Variants in RBFOX1 observed in about 807,000 individuals in gnomAD.
RBFOX1 encodes RNA binding fox-1 homolog 1.
Under a neutral mutation model 57.7 loss-of-function variants are expected in RBFOX1, and 8 were observed. The observed-to-expected ratio is 0.14, with a 90% confidence interval of 0.08 to 0.25. The LOEUF is 0.25. Ranked by LOEUF, RBFOX1 falls within the 10% of genes least tolerant of loss-of-function variation. RBFOX1 has a pLI of 1.00. For missense variants in RBFOX1, 611 were observed against 548.5 expected (o/e 1.11, Z -1.14); for synonymous variants, 326 against 222.4 (o/e 1.47, Z -4.15).
intron 1 of RBFOX1, among the ~76,000 whole-genome samples, chr16:5,428,832 G>T (rs2067642697): frequency 6.6e-6 from 1 of 152,156 alleles, no homozygotes; most frequent in Admixed American, 6.5e-5. Flanking sequence ...CTGAGTTGGG[G>T]ACCAAGTGCT....
chr16:7,198,028 C>T (rs139651302), intron 4 of RBFOX1, among the ~76,000 whole-genome samples: 3,333 of 34,870 alleles, frequency 0.096, 89 homozygotes, highest in Middle Eastern at 0.2. Context: ...TTTTTTGAGA[C>T]GGAGTCTTGC....
intron 2 of RBFOX1, among the ~76,000 whole-genome samples, chr16:6,385,719 C>G (rs1248431526): frequency 6.6e-6 from 1 of 152,190 alleles, no homozygotes; most frequent in African/African-American, 2.4e-5. Flanking sequence ...AGGTAATGAA[C>G]AGAAAGTGAT....
At chr16:6,796,252 C>T (rs917628558) in intron 3 of RBFOX1, among the ~76,000 whole-genome samples, 20 of 152,116 alleles carry the variant, frequency 1.3e-4, no homozygotes, top group South Asian at 2.1e-4. Context: ...GAAGGAAAGA[C>T]CCACCCCCGT....
chr16:6,394,168 C>G (rs1596528106), intron 2 of RBFOX1, among the ~76,000 whole-genome samples: 1 of 152,156 alleles, frequency 6.6e-6, no homozygotes, highest in Non-Finnish European at 1.5e-5. Flanking sequence ...ATATGGGATC[C>G]TGAGTTCAAA....
chr16:5,674,831 G>C (rs1044902062), intron 3 of RBFOX1, among the ~76,000 whole-genome samples: 2 of 152,108 alleles, frequency 1.3e-5, no homozygotes, highest in East Asian at 1.9e-4. Context: ...TCTGGCGCAC[G>C]TAGTACGTTA....
chr16:6,485,317 C>T (rs568754263), intron 2 of RBFOX1, among the ~76,000 whole-genome samples: 26 of 152,168 alleles, frequency 1.7e-4, no homozygotes, highest in African/African-American at 4.3e-4. Flanking sequence ...GGTAGGGGGA[C>T]ATGTAGAAGG....
intron 5 of RBFOX1, among the ~76,000 whole-genome samples, chr16:7,527,407 T>A (rs2078945096): frequency 6.6e-6 from 1 of 152,152 alleles, no homozygotes; most frequent in South Asian, 2.1e-4. Flanking sequence ...CAACTTAGGA[T>A]AACTTGGCCA....
chr16:6,631,408 A>ATT (rs534274929), intron 2 of RBFOX1, among the ~76,000 whole-genome samples: 1 of 147,824 alleles, frequency 6.8e-6, no homozygotes, highest in East Asian at 2.0e-4. Flanking sequence ...TATGAAACAT[A>ATT]TTTTTTTTTT....
intron 2 of RBFOX1, among the ~76,000 whole-genome samples, chr16:6,466,271 C>T (rs559973345): frequency 9.9e-5 from 15 of 151,248 alleles, no homozygotes; most frequent in Non-Finnish European, 1.0e-4. Context: ...AAATTGAAAT[C>T]ATCCATGGTT....
chr16:7,657,172 G>T (rs755609498), intron 12 of RBFOX1, among the ~76,000 whole-genome samples: 1 of 152,176 alleles, frequency 6.6e-6, no homozygotes, highest in Admixed American at 6.5e-5. Flanking sequence ...CCTCCTGGGA[G>T]ATTGAAGAAA....
chr16:5,983,647 C>T (rs538053155), intron 4 of RBFOX1, among the ~76,000 whole-genome samples: 2 of 152,248 alleles, frequency 1.3e-5, no homozygotes, highest in South Asian at 4.2e-4. Context: ...TTCTGACTCT[C>T]GTTGTTATTC....
chr16:6,009,836 A>T (rs183891055), intron 4 of RBFOX1, among the ~76,000 whole-genome samples: 383 of 37,238 alleles, frequency 0.01, 8 homozygotes, highest in Non-Finnish European at 4.9e-3. Context: ...GTGTGTGTGT[A>T]TAGGGGGATT....
chr16:6,300,261 C>T (rs1399156509), intron 1 of RBFOX1, among the ~76,000 whole-genome samples: 1 of 152,064 alleles, frequency 6.6e-6, no homozygotes, highest in Admixed American at 6.6e-5. Context: ...ATTCAAGAGA[C>T]CTATGGTACA....
At chr16:6,836,558 C>G (rs753352093) in intron 3 of RBFOX1, among the ~76,000 whole-genome samples, 7 of 152,244 alleles carry the variant, frequency 4.6e-5, no homozygotes, top group African/African-American at 1.4e-4. Flanking sequence ...CAAATGGGAA[C>G]CTTTTGTGCC....
chr16:6,527,908 G>A (rs1300697415), intron 2 of RBFOX1, among the ~76,000 whole-genome samples: 1 of 151,960 alleles, frequency 6.6e-6, no homozygotes. Flanking sequence ...ACGATTCCAT[G>A]CTTTATCCAC....
intron 2 of RBFOX1, among the ~76,000 whole-genome samples, chr16:6,640,404 T>C (rs1451544011): frequency 6.6e-6 from 1 of 151,698 alleles, no homozygotes; most frequent in Non-Finnish European, 1.5e-5. Flanking sequence ...AGGCCAGGAG[T>C]GTGAGACCAG....
At chr16:7,068,996 G>C (rs4407078) in intron 4 of RBFOX1, among the ~76,000 whole-genome samples, 109,656 of 152,028 alleles carry the variant, frequency 0.72, 40,151 homozygotes, top group East Asian at 0.91. Flanking sequence ...AGAAGCATTT[G>C]TATGTGTCAC....
intron 1 of RBFOX1, among the ~76,000 whole-genome samples, chr16:6,081,276 A>G (rs1443311622): frequency 6.6e-6 from 1 of 152,174 alleles, no homozygotes. Flanking sequence ...CTCAGCCAAG[A>G]TCATCTCTCA....
At chr16:6,406,250 T>G (rs1372513770) in intron 2 of RBFOX1, among the ~76,000 whole-genome samples, 2 of 152,204 alleles carry the variant, frequency 1.3e-5, no homozygotes, top group Non-Finnish European at 2.9e-5. Flanking sequence ...CAATACCCAT[T>G]AATTCTAATG....
Sources: gnomAD v4.1 joint callset for allele counts (sites outside exome capture counted in the v4.1 genomes callset) on GRCh38, gnomAD v4.1.1 for gene constraint, MANE v1.5 for transcripts, NCBI Gene and HGNC (gene_info 2026-07-23, HGNC 2026-07-21) for gene names.